The following LIPC variants were observed in gnomAD, a reference collection of about 807,000 sequenced individuals.
The protein encoded by LIPC is hepatic triacylglycerol lipase.
A neutral mutation model predicts 50.7 loss-of-function variants in LIPC; 44 were observed. The ratio of observed to expected loss-of-function variants is 0.87; its 90% CI spans 0.68 to 1.11. The LOEUF (loss-of-function observed/expected upper bound fraction) is 1.11, where lower values mean the gene tolerates loss of function less well. LIPC is among the 50% of genes most tolerant of loss of function. The probability of loss-of-function intolerance (pLI) is 0.00; values close to 1 mark genes in which losing one functional copy is unlikely to be tolerated. For missense variants in LIPC, 697 were observed against 648.2 expected (o/e 1.08, Z -0.82); for synonymous variants, 271 against 256.4 (o/e 1.06, Z -0.54).
At chr15:58,503,600 C>T (rs565631337) in intron 1 of LIPC, among the ~76,000 whole-genome samples, 1 of 152,222 alleles carries the variant, frequency 6.6e-6, no homozygotes, top group South Asian at 2.1e-4. Context: ...ACCAGCACAT[C>T]AACCTTCCAA....
intron 1 of LIPC, among the ~76,000 whole-genome samples, chr15:58,472,863 A>T (rs1258004537): frequency 6.6e-6 from 1 of 152,210 alleles, no homozygotes; most frequent in Non-Finnish European, 1.5e-5. Context: ...GGCTTAGAGC[A>T]TTCAAGCTAG....
chr15:58,524,420 C>T (rs1301509162), intron 1 of LIPC, among the ~76,000 whole-genome samples: 23 of 152,310 alleles, frequency 1.5e-4, no homozygotes, highest in African/African-American at 4.8e-4. Context: ...AATTTCATTT[C>T]GTAAGTGTGC....
intron 1 of LIPC, among the ~76,000 whole-genome samples, chr15:58,478,412 T>C (rs1382314685): frequency 6.6e-6 from 1 of 152,106 alleles, no homozygotes; most frequent in Non-Finnish European, 1.5e-5. Flanking sequence ...ATAATTTTTG[T>C]ATTTTTAGTA....
In LIPC at chr15:58,520,123, G is replaced by GT. The variant is rs1426165256; in HGVS notation, c.89-18200dup. On this transcript the variant is annotated intron_variant, in intron 1 of 8. Transcript: ENST00000299022. ...TCAGGTTTTGGGCTGTTTTTTTTTT[G>GT]TTTTTTTTTTAATCTGTTAATTGAA... Among the ~76,000 whole-genome samples the GT allele has an allele frequency of 6.0e-4, 75 of 124,704 alleles. 1 individual carries two copies. The highest frequency in any genetic ancestry group is 4.7e-3 in the South Asian group (19 of 4,020). The allele number at this position is 124,704 out of a possible 152,430, so 81.8% of individuals were successfully genotyped here. A position where few individuals can be genotyped will look rare whatever the true frequency, so the allele number is the denominator to read the frequency against.
At chr15:58,433,110 A>G (rs958716373) in intron 1 of LIPC, among the ~76,000 whole-genome samples, 1 of 152,202 alleles carries the variant, frequency 6.6e-6, no homozygotes, top group African/African-American at 2.4e-5. Context: ...GCCAAGCACT[A>G]TACTAATTAT....
At position 58,521,537 on chromosome 15, in the gene LIPC, A is replaced by G. The variant is rs909223949; in HGVS notation, c.89-16796A>G. The G allele has an allele frequency of 9.8e-5, 15 of 152,318 alleles. No individual in the cohort carries two copies. The East Asian group carries it at 2.9e-3, about 30-fold the overall frequency. The allele number at this position is 152,318 out of a possible 1,614,324, so 9.4% of individuals were successfully genotyped here. A position where few individuals can be genotyped will look rare whatever the true frequency, so the allele number is the denominator to read the frequency against. On this transcript the variant is annotated intron_variant, in intron 1 of 8. Transcript: ENST00000299022. ...AAGCAAAGGCACAGAGGCATCCGGG[A>G]CCTGCGAGCAGCTATGGCTGGAGCC...
At chr15:58,541,396 G>C (rs1893318013) in intron 2 of LIPC, among the ~76,000 whole-genome samples, 1 of 151,436 alleles carries the variant, frequency 6.6e-6, no homozygotes, top group Non-Finnish European at 1.5e-5. Flanking sequence ...GGACAGGTCA[G>C]CTTCCAGGAC....
intron 1 of LIPC, among the ~76,000 whole-genome samples, chr15:58,451,201 C>T (rs1421142669): frequency 6.6e-6 from 1 of 151,994 alleles, no homozygotes; most frequent in African/African-American, 2.4e-5. Context: ...ACCCAGGCCT[C>T]GAGTGACAGG....
At chr15:58,472,334 G>C (rs1309936698) in intron 1 of LIPC, among the ~76,000 whole-genome samples, 1 of 151,104 alleles carries the variant, frequency 6.6e-6, no homozygotes, top group African/African-American at 2.4e-5. Context: ...CGGCACTTTG[G>C]GAGGCCGAGG....
Position 58,563,416 on chromosome 15 carries a change from G to A in LIPC, c.1170-89G>A, listed in dbSNP as rs796913661. On this transcript the variant is annotated intron_variant, in intron 7 of 8. Transcript: ENST00000299022. ...TGCAGCAAAAATCCCAAGTCATTCAGGGAAACACAACACATCCTGAATGTG... is the reference window on the plus strand; with the variant it reads ...TGCAGCAAAAATCCCAAGTCATTCAAGGAAACACAACACATCCTGAATGTG... 211 of 1,122,416 alleles carry A rather than the reference G, an allele frequency of 1.9e-4. No homozygotes were observed. In the African/African-American group the frequency reaches 2.5e-3, roughly 13 times the overall value. The allele number at this position is 1,122,416 out of a possible 1,614,324, so 69.5% of individuals were successfully genotyped here.
intron 1 of LIPC, among the ~76,000 whole-genome samples, chr15:58,507,024 T>G (rs1158912276): frequency 2.0e-5 from 3 of 152,096 alleles, no homozygotes; most frequent in Non-Finnish European, 4.4e-5. Context: ...TCAGATCTCG[T>G]GAGAACTCAC....
At chr15:58,538,643 G>C in intron 2 of LIPC, 126 bp downstream of exon 2, 1 of 938,416 alleles carries the variant, frequency 1.1e-6, no homozygotes, top group Non-Finnish European at 1.7e-6. Context: ...TGTTTATGAA[G>C]CACGTTCTAA....
intron 3 of LIPC, 76 bp downstream of exon 3, chr15:58,542,043 G>C (rs759010890): frequency 2.4e-5 from 36 of 1,471,672 alleles, no homozygotes; most frequent in Non-Finnish European, 3.0e-5. Context: ...AATTAAGCTG[G>C]TCTCCAACAG....
rs545490808 is a variant in LIPC at position 58,508,566 on chromosome 15, A to G, written c.89-29767A>G. On this transcript the variant is annotated intron_variant, in intron 1 of 8. Transcript: ENST00000299022. ...TAGGCCGACCCCCCTCCATCCCTTT[A>G]TTAGTATTGAACTGAACAAATTAGT... Among the ~76,000 whole-genome samples, 8 of 152,162 alleles carry G rather than the reference A, an allele frequency of 5.3e-5. No homozygotes were observed. The East Asian group carries it at 1.5e-3, about 29-fold the overall frequency.
chr15:58,491,683 C>T (rs1191272089), intron 1 of LIPC, among the ~76,000 whole-genome samples: 1 of 152,208 alleles, frequency 6.6e-6, no homozygotes. Flanking sequence ...TACTTTTATT[C>T]AGTGTGTGGT....
chr15:58,488,174 G>A (rs556749447), intron 1 of LIPC, among the ~76,000 whole-genome samples: 1 of 152,352 alleles, frequency 6.6e-6, no homozygotes, highest in East Asian at 1.9e-4. Context: ...AGGAGGCTGA[G>A]GCAGGAGGAT....
At chr15:58,484,410 T>C (rs1021324718) in intron 1 of LIPC, among the ~76,000 whole-genome samples, 1 of 152,046 alleles carries the variant, frequency 6.6e-6, no homozygotes, top group Non-Finnish European at 1.5e-5. Context: ...TCATGGAGGG[T>C]GTATCCAGGA....
At chr15:58,451,028 C>G (rs1893880761) in intron 1 of LIPC, among the ~76,000 whole-genome samples, 1 of 152,142 alleles carries the variant, frequency 6.6e-6, no homozygotes, top group African/African-American at 2.4e-5. Flanking sequence ...CTTCCCCAGG[C>G]AACGTACTAG....
chr15:58,450,531 G>A (rs1893863340), intron 1 of LIPC, among the ~76,000 whole-genome samples: 1 of 152,192 alleles, frequency 6.6e-6, no homozygotes, highest in African/African-American at 2.4e-5. Context: ...TTAAGTTTCA[G>A]TGAACAATGT....
Sources: gnomAD v4.1 joint callset for allele counts (sites outside exome capture counted in the v4.1 genomes callset) on GRCh38, gnomAD v4.1.1 for gene constraint, MANE v1.5 for transcripts, NCBI Gene and HGNC (gene_info 2026-07-23, HGNC 2026-07-21) for gene names.